CLNK: variants seen among roughly 807,000 people sequenced by gnomAD.
CLNK encodes cytokine-dependent hematopoietic cell linker.
A neutral mutation model predicts 68.6 loss-of-function variants in CLNK; 74 were observed. The ratio of observed to expected loss-of-function variants is 1.08; its 90% CI spans 0.89 to 1.31. CLNK has a LOEUF of 1.31. Among genes scored for constraint, CLNK ranks in the 50% most tolerant of loss-of-function variants. CLNK has a pLI of 0.00. For synonymous variants in CLNK, 198 were observed against 172.2 expected, an observed-to-expected ratio of 1.15 and a Z score of -1.17; for missense variants, 553 against 515.3, an observed-to-expected ratio of 1.07 and a Z score of -0.71.
the CLNK span, among the ~76,000 whole-genome samples, chr4:10,726,624 G>C: frequency 1.3e-5 from 2 of 152,222 alleles, no homozygotes; most frequent in East Asian, 3.9e-4. Flanking sequence ...CCCATAACAG[G>C]GTAGAGCGAA....
intron 2 of CLNK, among the ~76,000 whole-genome samples, chr4:10,628,040 C>T (rs1425618136): frequency 6.6e-6 from 1 of 152,268 alleles, no homozygotes; most frequent in Non-Finnish European, 1.5e-5. Flanking sequence ...ACTTGGATAA[C>T]AGCCTTTTAA....
At chr4:10,531,806 C>CAA (rs1295355927) in intron 12 of CLNK, 1 of 457,898 alleles carries the variant, frequency 2.2e-6, no homozygotes, top group Non-Finnish European at 4.4e-6. Context: ...CTGAAGTTCA[C>CAA]AAAGCGAGTA....
chr4:10,519,068 A>G (rs762710956), intron 15 of CLNK, among the ~76,000 whole-genome samples: 2 of 152,180 alleles, frequency 1.3e-5, no homozygotes, highest in Non-Finnish European at 2.9e-5. Context: ...GGTACAAACC[A>G]TGTTCTTGTG....
intron 17 of CLNK, among the ~76,000 whole-genome samples, chr4:10,505,144 G>A (rs564830893): frequency 1.3e-5 from 2 of 152,148 alleles, no homozygotes; most frequent in Non-Finnish European, 2.9e-5. Context: ...GGACAGCCAG[G>A]GTTGGAATCT....
chr4:10,517,080 G>A (rs1349761742), intron 15 of CLNK, among the ~76,000 whole-genome samples: 1 of 152,098 alleles, frequency 6.6e-6, no homozygotes, highest in East Asian at 1.9e-4. Flanking sequence ...CAAACACAAT[G>A]AAGAATCTGC....
the CLNK span, among the ~76,000 whole-genome samples, chr4:10,731,305 C>A: frequency 5.3e-4 from 81 of 152,284 alleles, no homozygotes; most frequent in African/African-American, 1.7e-3. Context: ...ATCAGATATT[C>A]TTTTTCTGAG....
chr4:10,549,970 C>T (rs1188999918), intron 8 of CLNK, among the ~76,000 whole-genome samples: 1 of 152,232 alleles, frequency 6.6e-6, no homozygotes, highest in African/African-American at 2.4e-5. Context: ...AGCATGGTTG[C>T]AGAATCCGAT....
chr4:10,697,957 C>A, the CLNK span, among the ~76,000 whole-genome samples: 2 of 152,194 alleles, frequency 1.3e-5, no homozygotes, highest in Non-Finnish European at 2.9e-5. Flanking sequence ...GATCATCAAA[C>A]AGAACCATGA....
intron 2 of CLNK, among the ~76,000 whole-genome samples, chr4:10,605,992 T>C (rs566581030): frequency 3.9e-5 from 6 of 152,258 alleles, no homozygotes; most frequent in African/African-American, 1.4e-4. Context: ...TGTACACTAC[T>C]GTAGGCTTTG....
intron 18 of CLNK, among the ~76,000 whole-genome samples, chr4:10,494,459 A>AT (rs11379290): frequency 0.24 from 34,209 of 140,066 alleles, 4,297 homozygotes; most frequent in Admixed American, 0.29. Context: ...AGTATTTCCT[A>AT]TTTTTTTTTT....
intron 18 of CLNK, among the ~76,000 whole-genome samples, chr4:10,498,388 A>C (rs1716899804): frequency 6.6e-6 from 1 of 152,196 alleles, no homozygotes; most frequent in Non-Finnish European, 1.5e-5. Flanking sequence ...GCTACTCGGG[A>C]GGCTGAGGCA....
intron 3 of CLNK, among the ~76,000 whole-genome samples, chr4:10,590,480 T>C (rs1259698212): frequency 6.6e-6 from 1 of 152,146 alleles, no homozygotes; most frequent in Non-Finnish European, 1.5e-5. Flanking sequence ...CCCTTGAGTG[T>C]GGTATGCAGT....
chr4:10,592,995 G>A (rs533040976), intron 3 of CLNK, among the ~76,000 whole-genome samples: 6 of 152,256 alleles, frequency 3.9e-5, no homozygotes, highest in African/African-American at 1.4e-4. Context: ...CCAAAGTGCT[G>A]GGATTACAAG....
At chr4:10,658,655 C>T (rs1469029387) in intron 2 of CLNK, among the ~76,000 whole-genome samples, 5 of 152,116 alleles carry the variant, frequency 3.3e-5, no homozygotes, top group East Asian at 1.9e-4. Flanking sequence ...TACAGTAGAG[C>T]GGCCATAGCA....
At chr4:10,506,991 G>A (rs1448468428) in intron 17 of CLNK, among the ~76,000 whole-genome samples, 1 of 151,492 alleles carries the variant, frequency 6.6e-6, no homozygotes, top group African/African-American at 2.4e-5. Context: ...ATTTTTAGTA[G>A]AGACGGGTTT....
At chr4:10,718,075 A>T in the CLNK span, among the ~76,000 whole-genome samples, 1 of 149,872 alleles carries the variant, frequency 6.7e-6, no homozygotes, top group Admixed American at 6.6e-5. Flanking sequence ...ACCAAAATTA[A>T]AATAAAACAA....
chr4:10,528,172 G>T, intron 12 of CLNK, 78 bp from the exon 13 acceptor site: 1 of 673,984 alleles, frequency 1.5e-6, no homozygotes, highest in South Asian at 5.7e-5. Flanking sequence ...TGTGTTTTTA[G>T]AGCATTTGGT....
At chr4:10,628,859 G>A (rs974227543) in intron 2 of CLNK, among the ~76,000 whole-genome samples, 1 of 152,128 alleles carries the variant, frequency 6.6e-6, no homozygotes, top group African/African-American at 2.4e-5. Context: ...ATCACCTCCT[G>A]CCCTTTGTCT....
chr4:10,674,250 C>A (rs1560274035), intron 1 of CLNK, among the ~76,000 whole-genome samples: 1 of 151,924 alleles, frequency 6.6e-6, no homozygotes, highest in Non-Finnish European at 1.5e-5. Context: ...TGTGGAGGTA[C>A]AAAGGAGCCC....
Sources: gnomAD v4.1 joint callset for allele counts (sites outside exome capture counted in the v4.1 genomes callset) on GRCh38, gnomAD v4.1.1 for gene constraint, MANE v1.5 for transcripts, NCBI Gene and HGNC (gene_info 2026-07-23, HGNC 2026-07-21) for gene names.